The following GPC5 variants were observed in gnomAD, a reference collection of about 807,000 sequenced individuals.
GPC5 encodes glypican-5.
A neutral mutation model predicts 53.9 loss-of-function variants in GPC5; 47 were observed. The observed-to-expected ratio is 0.87, with a 90% CI of 0.69 to 1.11. The LOEUF (loss-of-function observed/expected upper bound fraction) is 1.11. GPC5 is among the 50% of genes most tolerant of loss of function. The probability of loss-of-function intolerance (pLI) is 0.00; values close to 1 mark genes in which losing one functional copy is unlikely to be tolerated. For synonymous variants in GPC5, 286 were observed against 263.3 expected (o/e 1.09, Z -0.84); for missense variants, 748 against 713.1 (o/e 1.05, Z -0.56).
intron 7 of GPC5, among the ~76,000 whole-genome samples, chr13:92,184,626 A>G (rs2042171451): frequency 6.6e-6 from 1 of 152,198 alleles, no homozygotes; most frequent in Non-Finnish European, 1.5e-5. Context: ...CTGTTAGGAA[A>G]CCTGAAGATA....
chr13:91,806,021 ATTTTTTTTTTTT>A lies in GPC5; in HGVS notation c.1280+49620_1280+49631del, dbSNP rs71113764. Among the ~76,000 whole-genome samples the A allele has an allele frequency of 1.3e-3, 61 of 48,618 alleles. 1 individual carries two copies. The highest frequency in any genetic ancestry group is 3.9e-3 in the African/African-American group (45 of 11,462). 31.9% of individuals were successfully genotyped at this position (48,618 alleles called of 152,430 possible). A position where few individuals can be genotyped will look rare whatever the true frequency, so the allele number is the denominator to read the frequency against. The stretch of plus-strand genomic sequence containing the variant: ...ATGTGAACCTTCAACAAATACAATA[ATTTTTTTTTTTT>A]TTTTTTTTTTTTTTTTTTGGAGACC... On this transcript the variant is annotated intron_variant, in intron 5 of 7. Coordinates refer to ENST00000377067, the MANE Select transcript of GPC5 (RefSeq NM_004466.6).
At chr13:92,200,003 T>C (rs2042283107) in intron 7 of GPC5, among the ~76,000 whole-genome samples, 1 of 152,196 alleles carries the variant, frequency 6.6e-6, no homozygotes, top group Non-Finnish European at 1.5e-5. Context: ...AAAACACTTA[T>C]ACTTACCTAA....
intron 7 of GPC5, chr13:92,180,846 C>A: frequency 4.8e-6 from 1 of 208,970 alleles, no homozygotes; most frequent in South Asian, 8.6e-5. Flanking sequence ...TGAACCTCTG[C>A]ACCAGCTGTA....
At chr13:91,772,864 G>A (rs1055004657) in intron 5 of GPC5, among the ~76,000 whole-genome samples, 1 of 152,140 alleles carries the variant, frequency 6.6e-6, no homozygotes, top group Non-Finnish European at 1.5e-5. Context: ...AGATGATTCT[G>A]ATGAGCACAT....
At chr13:92,468,448 T>A (rs1878786563) in intron 7 of GPC5, among the ~76,000 whole-genome samples, 1 of 152,252 alleles carries the variant, frequency 6.6e-6, no homozygotes, top group African/African-American at 2.4e-5. Flanking sequence ...TTTCTGCTCA[T>A]CTGTATTGGG....
At chr13:92,554,941 G>T (rs58769100) in intron 7 of GPC5, among the ~76,000 whole-genome samples, 102,745 of 147,906 alleles carry the variant, frequency 0.69, 36,848 homozygotes, top group African/African-American at 0.86. Flanking sequence ...TTTTGAGTTT[G>T]TTTTTTTTTT....
At chr13:91,963,563 G>C (rs906298079) in intron 6 of GPC5, among the ~76,000 whole-genome samples, 2 of 151,294 alleles carry the variant, frequency 1.3e-5, no homozygotes, top group African/African-American at 4.9e-5. Flanking sequence ...ATGTAGCAGA[G>C]ACACATTATG....
intron 5 of GPC5, among the ~76,000 whole-genome samples, chr13:91,854,465 C>T (rs1316616356): frequency 6.6e-6 from 1 of 151,692 alleles, no homozygotes; most frequent in Non-Finnish European, 1.5e-5. Context: ...GCTGTGCTAT[C>T]AAATACTGTA....
At chr13:91,435,220 C>G (rs1405442038) in intron 1 of GPC5, among the ~76,000 whole-genome samples, 1 of 152,158 alleles carries the variant, frequency 6.6e-6, no homozygotes, top group Non-Finnish European at 1.5e-5. Flanking sequence ...ACTTCCAACA[C>G]TATGTTGATA....
At chr13:91,862,521 T>C (rs2039040980) in intron 5 of GPC5, among the ~76,000 whole-genome samples, 1 of 152,206 alleles carries the variant, frequency 6.6e-6, no homozygotes. Context: ...CGAAGAATTA[T>C]ATGGCCCAAA....
chr13:92,458,306 G>A (rs1285496690), intron 7 of GPC5, among the ~76,000 whole-genome samples: 3 of 135,962 alleles, frequency 2.2e-5, no homozygotes, highest in Non-Finnish European at 3.1e-5. Flanking sequence ...CTTTTTTTGG[G>A]GGGGGCAGGG....
chr13:92,664,772 A>G (rs562629150), intron 7 of GPC5, among the ~76,000 whole-genome samples: 103 of 152,304 alleles, frequency 6.8e-4, no homozygotes, highest in African/African-American at 1.9e-3. Context: ...GATTACAAAT[A>G]TCTGGCAGAT....
intron 7 of GPC5, among the ~76,000 whole-genome samples, chr13:92,723,327 C>G (rs1326176837): frequency 2.7e-5 from 1 of 36,398 alleles, no homozygotes; most frequent in Admixed American, 4.5e-4. Context: ...CCGAATAACA[C>G]TTTCTTCTTT....
chr13:92,416,225 A>G (rs184786099), intron 7 of GPC5, among the ~76,000 whole-genome samples: 4 of 152,346 alleles, frequency 2.6e-5, no homozygotes, highest in Admixed American at 2.6e-4. Flanking sequence ...CAACTTATTT[A>G]TGATGACTCT....
At chr13:92,227,237 A>G (rs868142375) in intron 7 of GPC5, among the ~76,000 whole-genome samples, 3 of 152,130 alleles carry the variant, frequency 2.0e-5, no homozygotes, top group Non-Finnish European at 2.9e-5. Flanking sequence ...CAGATTGAAC[A>G]TTGCTTTCCA....
chr13:91,723,941 A>C (rs2036526377), intron 3 of GPC5, among the ~76,000 whole-genome samples: 1 of 152,228 alleles, frequency 6.6e-6, no homozygotes, highest in Non-Finnish European at 1.5e-5. Context: ...TTGAAATAAA[A>C]CTAAAATCGT....
chr13:91,832,957 T>C (rs2038679880), intron 5 of GPC5, among the ~76,000 whole-genome samples: 1 of 152,094 alleles, frequency 6.6e-6, no homozygotes, highest in South Asian at 2.1e-4. Context: ...ATCCAGGACC[T>C]GGTTTTTTGA....
chr13:91,964,747 G>A (rs919246787), intron 6 of GPC5, among the ~76,000 whole-genome samples: 2 of 152,048 alleles, frequency 1.3e-5, no homozygotes, highest in African/African-American at 4.8e-5. Flanking sequence ...ATACCCAAAG[G>A]ATTATAAATC....
intron 2 of GPC5, among the ~76,000 whole-genome samples, chr13:91,453,623 G>GC (rs1348271524): frequency 6.6e-6 from 1 of 152,084 alleles, no homozygotes; most frequent in Non-Finnish European, 1.5e-5. Flanking sequence ...GGCAGCCTAG[G>GC]CTGGTAGTGT....
Sources: gnomAD v4.1 joint callset for allele counts (sites outside exome capture counted in the v4.1 genomes callset) on GRCh38, gnomAD v4.1.1 for gene constraint, MANE v1.5 for transcripts, NCBI Gene and HGNC (gene_info 2026-07-23, HGNC 2026-07-21) for gene names.